CACNA2D1: variants seen among roughly 807,000 people sequenced by gnomAD.
CACNA2D1 encodes the protein calcium voltage-gated channel auxiliary subunit alpha2delta 1, also known as voltage-dependent calcium channel subunit alpha-2/delta-1.
In CACNA2D1, 53 loss-of-function variants were observed where a neutral mutation model predicts 171.5. That is an observed-to-expected ratio of 0.31 (90% confidence interval 0.25 to 0.39). CACNA2D1 has a LOEUF of 0.39. CACNA2D1 is among the 10% of genes least tolerant of loss of function. The probability of loss-of-function intolerance (pLI) is 1.00; values close to 1 mark genes in which losing one functional copy is unlikely to be tolerated. For synonymous variants in CACNA2D1, 442 were observed against 443.1 expected (o/e 1.00, Z 0.03); for missense variants, 903 against 1,299.8 (o/e 0.69, Z 4.69).
intron 3 of CACNA2D1, among the ~76,000 whole-genome samples, chr7:82,226,684 T>C (rs912387338): frequency 1.3e-5 from 2 of 152,186 alleles, no homozygotes; most frequent in Non-Finnish European, 2.9e-5. Context: ...TAATATCCTA[T>C]AGGAAGAAGA....
At chr7:82,237,264 CT>C (rs1007853349) in intron 3 of CACNA2D1, among the ~76,000 whole-genome samples, 1 of 73,930 alleles carries the variant, frequency 1.4e-5, no homozygotes, top group Non-Finnish European at 4.9e-5. Flanking sequence ...CATTTTCCCC[CT>C]GACATTTTCA....
intron 3 of CACNA2D1, among the ~76,000 whole-genome samples, chr7:82,234,708 C>A (rs1803341727): frequency 6.6e-6 from 1 of 152,092 alleles, no homozygotes; most frequent in Non-Finnish European, 1.5e-5. Flanking sequence ...AAAATAAAAT[C>A]AATCCATTCT....
chr7:82,104,325 C>T (rs1373886889), intron 6 of CACNA2D1, among the ~76,000 whole-genome samples: 1 of 151,910 alleles, frequency 6.6e-6, no homozygotes, highest in African/African-American at 2.4e-5. Context: ...ATGATTTATA[C>T]TTGTTTTCTT....
chr7:82,385,609 T>TAG (rs1474709518), intron 1 of CACNA2D1, among the ~76,000 whole-genome samples: 6 of 149,978 alleles, frequency 4.0e-5, no homozygotes, highest in African/African-American at 1.3e-4. Context: ...CCACTTACAC[T>TAG]AGTACAGTTT....
intron 3 of CACNA2D1, among the ~76,000 whole-genome samples, chr7:82,176,488 T>G (rs1414991056): frequency 6.6e-6 from 1 of 151,974 alleles, no homozygotes; most frequent in African/African-American, 2.4e-5. Context: ...GTGCTGTACT[T>G]ACAGATTGTT....
intron 21 of CACNA2D1, among the ~76,000 whole-genome samples, chr7:81,985,729 A>T (rs530937908): frequency 5.3e-5 from 8 of 152,166 alleles, no homozygotes; most frequent in Admixed American, 2.0e-4. Flanking sequence ...ATTATTTGGA[A>T]GATTGTTATT....
chr7:82,192,268 G>A (rs1798373137), intron 3 of CACNA2D1, among the ~76,000 whole-genome samples: 1 of 151,604 alleles, frequency 6.6e-6, no homozygotes, highest in African/African-American at 2.4e-5. Flanking sequence ...ATCACTTAGT[G>A]CTGAGTGCCA....
chr7:82,064,423 T>C (rs1807348841), intron 8 of CACNA2D1, 69 bp from the exon 9 acceptor site: 1 of 1,186,260 alleles, frequency 8.4e-7, no homozygotes, highest in African/African-American at 1.5e-5. Flanking sequence ...GTTGAATTGA[T>C]ATTTACTGAC....
intron 3 of CACNA2D1, among the ~76,000 whole-genome samples, chr7:82,184,150 G>C: frequency 6.8e-6 from 1 of 146,064 alleles, no homozygotes; most frequent in Non-Finnish European, 1.5e-5. Context: ...TAACGTTGCT[G>C]TGGAAACATC....
chr7:82,326,175 G>A (rs899961217), intron 3 of CACNA2D1, among the ~76,000 whole-genome samples: 3 of 152,060 alleles, frequency 2.0e-5, no homozygotes, highest in Admixed American at 6.5e-5. Flanking sequence ...TTAAATGTAC[G>A]TATAGCTCAC....
rs534840140 is a variant in CACNA2D1 at position 82,123,581 on chromosome 7, C to A, written c.397-6408G>T. ...TTACAGCAGCTCCTTCACAGGCCCT[C>A]TTCTTCCTCATAGGTGCCCACTGCC... On this transcript the variant is annotated intron_variant, in intron 5 of 38. Coordinates refer to ENST00000356860, the MANE Select transcript of CACNA2D1 (RefSeq NM_000722.4). Among the ~76,000 whole-genome samples the A allele has an allele frequency of 3.3e-3, 503 of 152,290 alleles. 6 individuals carry two copies. The highest frequency in any genetic ancestry group is 0.028 in the South Asian group (136 of 4,826).
intron 1 of CACNA2D1, among the ~76,000 whole-genome samples, chr7:82,366,956 G>GAGTGC (rs1034159292): frequency 6.4e-5 from 9 of 141,338 alleles, no homozygotes; most frequent in African/African-American, 2.3e-4. Context: ...ACCGAGGCTG[G>GAGTGC]AGTGCAGTGG....
At chr7:82,211,397 C>T (rs572678025) in intron 3 of CACNA2D1, among the ~76,000 whole-genome samples, 1 of 152,164 alleles carries the variant, frequency 6.6e-6, no homozygotes, top group South Asian at 2.1e-4. Flanking sequence ...TGTCTATTAT[C>T]CCCGCTTTGT....
At chr7:82,055,214 T>C (rs1197311334) in intron 10 of CACNA2D1, among the ~76,000 whole-genome samples, 2 of 152,170 alleles carry the variant, frequency 1.3e-5, no homozygotes, top group Non-Finnish European at 2.9e-5. Flanking sequence ...GACTTCAGAA[T>C]ATAAAATTCT....
chr7:82,220,778 T>C (rs1801656295), intron 3 of CACNA2D1, among the ~76,000 whole-genome samples: 1 of 118,230 alleles, frequency 8.5e-6, no homozygotes, highest in Non-Finnish European at 1.8e-5. Context: ...TTCTTTCTTT[T>C]TTCTTTTTTT....
At chr7:81,981,810 T>G (rs1308454827) in intron 24 of CACNA2D1, among the ~76,000 whole-genome samples, 2 of 152,060 alleles carry the variant, frequency 1.3e-5, no homozygotes, top group African/African-American at 4.8e-5. Context: ...ATATGAGAGA[T>G]AAATAAAATT....
intron 3 of CACNA2D1, among the ~76,000 whole-genome samples, chr7:82,332,474 A>G (rs537270414): frequency 5.0e-4 from 75 of 151,194 alleles, no homozygotes; most frequent in Admixed American, 2.4e-3. Flanking sequence ...GCATAATATA[A>G]AGAAAGAAAC....
chr7:82,314,049 T>C (rs776719412), intron 3 of CACNA2D1, among the ~76,000 whole-genome samples: 3 of 152,190 alleles, frequency 2.0e-5, no homozygotes, highest in African/African-American at 7.2e-5. Context: ...GGAGAATATA[T>C]ACCTTTCTAA....
At chr7:82,315,721 G>A (rs542031240) in intron 3 of CACNA2D1, among the ~76,000 whole-genome samples, 3 of 152,234 alleles carry the variant, frequency 2.0e-5, no homozygotes, top group African/African-American at 7.2e-5. Flanking sequence ...TGAAGAAGGG[G>A]AGGAAATCAG....
Sources: allele counts gnomAD v4.1 joint callset (sites outside exome capture counted in the v4.1 genomes callset), GRCh38; gene constraint gnomAD v4.1.1; transcripts MANE v1.5; gene names NCBI Gene and HGNC (gene_info 2026-07-23, HGNC 2026-07-21).